Variants in HIVEP1 observed in about 807,000 individuals in gnomAD.
HIVEP1 encodes zinc finger protein 40.
In HIVEP1, 36 loss-of-function variants were observed where a neutral mutation model predicts 180.0. The ratio of observed to expected loss-of-function variants is 0.20; its 90% CI spans 0.15 to 0.26. The LOEUF (loss-of-function observed/expected upper bound fraction) is 0.26, where lower values mean the gene tolerates loss of function less well. HIVEP1 is among the 10% of genes least tolerant of loss of function. HIVEP1 has a pLI of 1.00. For missense variants in HIVEP1, 3,143 were observed against 3,268.7 expected, an observed-to-expected ratio of 0.96 and a Z score of 0.94; for synonymous variants, 1,239 against 1,239.0, an observed-to-expected ratio of 1.00 and a Z score of 0.00.
intron 2 of HIVEP1, among the ~76,000 whole-genome samples, chr6:12,033,229 G>T (rs1340534270): frequency 6.6e-6 from 1 of 152,080 alleles, no homozygotes; most frequent in Non-Finnish European, 1.5e-5. Flanking sequence ...TACAATGCTT[G>T]GTAGGTTATG....
Position 12,122,712 on chromosome 6 carries a change from A to C in HIVEP1, c.2917A>C (p.Asn973His). ...TCRNRYRKLE[N>H]FENHKKFYCS... The stretch of plus-strand genomic sequence containing the variant: ...TAGAAACAGGTATAGGAAACTGGAA[A>C]ATTTTGAAAATCATAAGAAATTTTA... The change falls in exon 4 of 9, where the codon AAT (asparagine) becomes CAT (histidine). Residue 973 changes from asparagine to histidine, a missense_variant. Asn to His is a moderately conservative substitution (Grantham distance 68, BLOSUM62 1). This residue lies in a region of HIVEP1 where 204 missense variants were observed against 243.7 expected (regional missense o/e 0.84). Coordinates refer to ENST00000379388, the MANE Select transcript of HIVEP1 (RefSeq NM_002114.4). The C allele has an allele frequency of 6.2e-7, 1 of 1,613,950 alleles. No homozygotes were observed. The highest frequency in any genetic ancestry group is 8.5e-7 in the Non-Finnish European group (1 of 1,179,974).
chr6:12,046,102 T>A (rs1770098561), intron 2 of HIVEP1, among the ~76,000 whole-genome samples: 1 of 152,256 alleles, frequency 6.6e-6, no homozygotes, highest in African/African-American at 2.4e-5. Flanking sequence ...TTTAGCAATA[T>A]AAAAACTAAT....
chr6:12,163,679 G>A lies in HIVEP1; in HGVS notation c.7375G>A (p.Glu2459Lys), dbSNP rs887367195. 1 of 1,614,120 alleles carries A rather than the reference G, an allele frequency of 6.2e-7. No individual in the cohort carries two copies. ...CACTACAAACCCTGCTGGAGTGGCTGAATTAAGCAGTGTTGTGCCATGTAT... is the reference window on the plus strand; with the variant it reads ...CACTACAAACCCTGCTGGAGTGGCTAAATTAAGCAGTGTTGTGCCATGTAT... Reference protein sequence around the residue: ...SGTTNPAGVAELSSVVPCIPI... With the variant: ...SGTTNPAGVAKLSSVVPCIPI... Residue 2459 changes from glutamate to lysine, a missense_variant, in exon 9 of 9, where the codon GAA becomes AAA. Transcript: ENST00000379388.
intron 8 of HIVEP1, among the ~76,000 whole-genome samples, chr6:12,162,509 G>T (rs959883360): frequency 6.6e-6 from 1 of 152,218 alleles, no homozygotes; most frequent in Non-Finnish European, 1.5e-5. Flanking sequence ...GCAGGCACAG[G>T]CCTCTGAAAA....
intron 3 of HIVEP1, among the ~76,000 whole-genome samples, chr6:12,107,327 A>T (rs1774495316): frequency 2.0e-5 from 3 of 152,236 alleles, no homozygotes; most frequent in Admixed American, 2.0e-4. Flanking sequence ...ACCTTAATTT[A>T]AAAAATATTG....
chr6:12,121,436 A>C lies in HIVEP1; in HGVS notation c.1641A>C (p.Leu547=), dbSNP rs41273116. The C allele has an allele frequency of 1.9e-6, 3 of 1,614,038 alleles. No homozygotes were observed. The Admixed American group carries it at 5.0e-5, about 27-fold the overall frequency. The change falls in exon 4 of 9, where the codon CTA becomes CTC. Residue 547 remains leucine, a synonymous_variant. Coordinates refer to ENST00000379388, the MANE Select transcript of HIVEP1 (RefSeq NM_002114.4). The surrounding 1 kb of genome is among the most constrained non-coding windows in gnomAD (Gnocchi z 5.3). ...AAAATGTGATAGGTGACTTTTTGCT[A>C]CAGGACAGATCTGCAGAATCACAAG... ...SPENVIGDFL[L]QDRSAESQAV...
At chr6:12,200,274 C>T in the HIVEP1 span, among the ~76,000 whole-genome samples, 1 of 152,202 alleles carries the variant, frequency 6.6e-6, no homozygotes, top group South Asian at 2.1e-4. Flanking sequence ...GTTACTACCC[C>T]TTCCCTAGAA....
At chr6:12,168,385 T>C (rs1245769939), downstream of HIVEP1, among the ~76,000 whole-genome samples, 4 of 86,890 alleles carry the variant, frequency 4.6e-5, no homozygotes, top group Non-Finnish European at 7.6e-5. Context: ...TGTATATATG[T>C]ATATATATAA....
At chr6:12,150,824 AT>A (rs1759660083) in intron 7 of HIVEP1, among the ~76,000 whole-genome samples, 1 of 152,090 alleles carries the variant, frequency 6.6e-6, no homozygotes, top group Non-Finnish European at 1.5e-5. Flanking sequence ...CTTTAAAAAA[AT>A]TTTTTCCCTA....
the HIVEP1 span, among the ~76,000 whole-genome samples, chr6:12,179,240 G>C: frequency 1.1e-4 from 17 of 152,138 alleles, 1 homozygote; most frequent in East Asian, 1.9e-3. Flanking sequence ...TTAATATATA[G>C]ATAGGGACCC....
intron 6 of HIVEP1, among the ~76,000 whole-genome samples, chr6:12,132,346 A>G (rs898407146): frequency 6.6e-6 from 1 of 152,220 alleles, no homozygotes; most frequent in Non-Finnish European, 1.5e-5. Flanking sequence ...AATATTACTA[A>G]TAAAAGATTA....
the HIVEP1 span, among the ~76,000 whole-genome samples, chr6:12,182,331 T>C: frequency 6.6e-6 from 1 of 151,808 alleles, no homozygotes; most frequent in East Asian, 1.9e-4. Flanking sequence ...TAAGAGAAAA[T>C]AAAGTATATG....
chr6:12,209,814 C>T, the HIVEP1 span, among the ~76,000 whole-genome samples: 5 of 151,944 alleles, frequency 3.3e-5, no homozygotes, highest in Non-Finnish European at 7.4e-5. Flanking sequence ...AAAAATATTC[C>T]TGTGTGGTTA....
At chr6:12,060,768 T>C (rs1261011915) in intron 2 of HIVEP1, among the ~76,000 whole-genome samples, 1 of 152,214 alleles carries the variant, frequency 6.6e-6, no homozygotes, top group Non-Finnish European at 1.5e-5. Flanking sequence ...AACTCTGATT[T>C]TCCTAAGTTG....
chr6:12,129,373 C>A (rs963454043), intron 4 of HIVEP1, among the ~76,000 whole-genome samples: 3 of 152,154 alleles, frequency 2.0e-5, no homozygotes, highest in African/African-American at 7.2e-5. Context: ...TCTTTTCCAT[C>A]TCCAAAAGTA....
intron 7 of HIVEP1, among the ~76,000 whole-genome samples, chr6:12,149,162 T>C (rs1315925586): frequency 2.0e-5 from 3 of 152,190 alleles, no homozygotes; most frequent in Admixed American, 1.3e-4. Flanking sequence ...CAGCATGCTT[T>C]TCTGAAAGTG....
chr6:12,142,622 A>G (rs567562043), intron 7 of HIVEP1, among the ~76,000 whole-genome samples: 1 of 152,342 alleles, frequency 6.6e-6, no homozygotes, highest in Admixed American at 6.5e-5. Flanking sequence ...GATCAACAAA[A>G]TTGATAGACT....
At chr6:12,030,841 C>A (rs1768892901) in intron 2 of HIVEP1, among the ~76,000 whole-genome samples, 1 of 152,172 alleles carries the variant, frequency 6.6e-6, no homozygotes. Context: ...TATTTCTCTT[C>A]ATGTCTCCAA....
chr6:12,039,622 A>T (rs1769534200), intron 2 of HIVEP1, among the ~76,000 whole-genome samples: 2 of 152,156 alleles, frequency 1.3e-5, no homozygotes, highest in South Asian at 4.1e-4. Flanking sequence ...GGTTAGAGGG[A>T]GGTCCTGGCA....
Sources: gnomAD v4.1 joint callset for allele counts (sites outside exome capture counted in the v4.1 genomes callset) on GRCh38, gnomAD v4.1.1 for gene constraint, gnomAD v4.1.1 regional missense constraint, Gnocchi (gnomAD v3.1) non-coding constraint, MANE v1.5 for transcripts, NCBI Gene and HGNC (gene_info 2026-07-23, HGNC 2026-07-21) for gene names.